Variants in MPP3 observed in about 807,000 individuals in gnomAD.
MPP3 encodes MAGUK p55 scaffold protein 3.
Under a neutral mutation model 80.7 loss-of-function variants are expected in MPP3, and 48 were observed. The observed-to-expected ratio is 0.59, with a 90% CI of 0.47 to 0.76. The LOEUF (loss-of-function observed/expected upper bound fraction) is 0.76, where lower values mean the gene tolerates loss of function less well. MPP3 is among the 30% of genes least tolerant of loss of function. The pLI is 0.00. For missense variants in MPP3, 620 were observed against 763.0 expected, an observed-to-expected ratio of 0.81 and a Z score of 2.21; for synonymous variants, 311 against 297.6, an observed-to-expected ratio of 1.04 and a Z score of -0.46.
chr17:43,825,383 T>C (rs1331079002), intron 9 of MPP3: 1 of 181,056 alleles, frequency 5.5e-6, no homozygotes. Context: ...TATCCCAACG[T>C]TAAAGGAAAG....
rs756575265 is a variant in MPP3, at chr17:43,814,340, C to T, written c.1031G>A (p.Arg344Gln). ...HYVAGLRRSF[R>Q]LGCRERLGGS... ...ACCCAGTCTCTCCCTACAGCCCAGCCGGAAGCTCCTCCGAAGACCAGCTTG... is the reference window on the plus strand; with the variant it reads ...ACCCAGTCTCTCCCTACAGCCCAGCTGGAAGCTCCTCCGAAGACCAGCTTG... The change falls in exon 15 of 20, where the codon CGG (arginine) becomes CAG (glutamine). Residue 344 changes from arginine to glutamine, a missense_variant. Arg to Gln is a conservative substitution (Grantham distance 43). Transcript: ENST00000398389. 1.4e-5 allele frequency: 22 copies of T among 1,606,082 alleles called. No homozygotes were observed. The African/African-American group carries it at 1.5e-4, about 11-fold the overall frequency.
intron 19 of MPP3, among the ~76,000 whole-genome samples, chr17:43,804,877 A>G (rs2154591091): frequency 6.6e-6 from 1 of 152,218 alleles, no homozygotes; most frequent in South Asian, 2.1e-4. Flanking sequence ...AAATTAGCCG[A>G]GCATGATGGC....
chr17:43,825,580 C>T (rs1468742495), intron 9 of MPP3, 176 bp downstream of exon 9: 1 of 568,560 alleles, frequency 1.8e-6, no homozygotes, highest in Admixed American at 2.9e-5. Context: ...TTCCCCTCCT[C>T]CTGCTGCCAC....
At chr17:43,819,243 C>T (rs1027474673) in intron 11 of MPP3, among the ~76,000 whole-genome samples, 1 of 152,194 alleles carries the variant, frequency 6.6e-6, no homozygotes, top group Non-Finnish European at 1.5e-5. Flanking sequence ...GTCCACACAC[C>T]AAAAGATGTG....
chr17:43,822,969 G>A (rs1016746288), intron 10 of MPP3, among the ~76,000 whole-genome samples: 2 of 152,094 alleles, frequency 1.3e-5, no homozygotes, highest in African/African-American at 4.8e-5. Context: ...TGATGGAGGC[G>A]TGTGTTCTAC....
At chr17:43,820,603 A>ACACACACACAC (rs1264169757) in intron 11 of MPP3, among the ~76,000 whole-genome samples, 9 of 127,598 alleles carry the variant, frequency 7.1e-5, no homozygotes, top group South Asian at 4.8e-4. Context: ...AAAAAAAAAA[A>ACACACACACAC]ATACACACAC....
chr17:43,803,467 C>A (rs1166692864), intron 19 of MPP3, among the ~76,000 whole-genome samples: 1 of 152,072 alleles, frequency 6.6e-6, no homozygotes, highest in Non-Finnish European at 1.5e-5. Flanking sequence ...AGTCACAGTC[C>A]CGAAGATCAC....
rs765597486 is a variant in MPP3 at position 43,814,020 on chromosome 17, C to T, written c.1246G>A (p.Ala416Thr). The T allele has an allele frequency of 1.6e-5, 26 of 1,611,856 alleles. No homozygotes were observed. The African/African-American group carries it at 1.7e-4, about 11-fold the overall frequency. The part of the protein sequence containing the change: ...VAENPQHFGV[A>T]VPHTTRPRKS... The stretch of plus-strand genomic sequence containing the variant: ...ACATGGGCCCTCTTACGTGGAACAG[C>T]GACGCCAAAGTGCTGTGGGTTCTCA... Residue 416 changes from alanine to threonine, a missense_variant, in exon 16 of 20, where the codon GCT becomes ACT. Coordinates refer to ENST00000398389, the MANE Select transcript of MPP3 (RefSeq NM_001932.6).
rs59114288 is a variant in MPP3, at chr17:43,830,242, G to A, written c.223-135C>T. On this transcript the variant is annotated intron_variant, in intron 5 of 19. Transcript: ENST00000398389. ...ACCAGACCCTCAACCACCCGACGAC[G>A]ATGATCCTGGGAACATCACACCAGG... 2.0e-3 allele frequency: 1,073 copies of A among 537,592 alleles called. 11 individuals are homozygous for A. Among genetic ancestry groups the A allele is most frequent in the African/African-American group, 0.019 (952 of 51,412 alleles). 33.3% of individuals were successfully genotyped at this position (537,592 alleles called of 1,614,324 possible).
At chr17:43,817,939 AC>A (rs1332384330) in intron 12 of MPP3, 106 bp downstream of exon 12, 3 of 745,470 alleles carry the variant, frequency 4.0e-6, no homozygotes, top group Non-Finnish European at 5.9e-6. Flanking sequence ...CTCAGACAAG[AC>A]CCCTGATGCC....
At chr17:43,802,051 C>A (rs1567791602) in intron 19 of MPP3, among the ~76,000 whole-genome samples, 174 bp from the exon 20 acceptor site, 1 of 152,184 alleles carries the variant, frequency 6.6e-6, no homozygotes, top group Non-Finnish European at 1.5e-5. Context: ...AACATCATGT[C>A]AAACTTCAAA....
chr17:43,824,742 C>T (rs1281770920), intron 9 of MPP3, among the ~76,000 whole-genome samples: 2 of 152,152 alleles, frequency 1.3e-5, no homozygotes, highest in African/African-American at 2.4e-5. Flanking sequence ...GCCTGCAATC[C>T]GCATCCTCTA....
chr17:43,831,954 G>T lies in MPP3; in HGVS notation c.-37-11C>A, dbSNP rs770233130. ...CTCTCCCTGCAGATTCTGGGAGAAGGGGGTGGAGGTGGGTATTGAAGCTCC... is the reference window on the plus strand; with the variant it reads ...CTCTCCCTGCAGATTCTGGGAGAAGTGGGTGGAGGTGGGTATTGAAGCTCC... On this transcript the variant is annotated splice_polypyrimidine_tract_variant and intron_variant, in intron 2 of 19. Coordinates refer to ENST00000398389, the MANE Select transcript of MPP3 (RefSeq NM_001932.6). 2.5e-6 allele frequency: 4 copies of T among 1,588,688 alleles called. No individual in the cohort carries two copies. The highest frequency in any genetic ancestry group is 1.1e-5 in the South Asian group (1 of 89,634).
intron 10 of MPP3, 77 bp downstream of exon 10, chr17:43,823,854 G>T: frequency 9.9e-7 from 1 of 1,011,214 alleles, no homozygotes; most frequent in South Asian, 1.4e-5. Flanking sequence ...ACAAGAGACT[G>T]GACTGGATCC....
At chr17:43,823,870 C>T in intron 10 of MPP3, 61 bp downstream of exon 10, 2 of 1,230,034 alleles carry the variant, frequency 1.6e-6, no homozygotes, top group Admixed American at 3.8e-5. Context: ...GATCCAGCCC[C>T]CAGCCAGCGA....
rs190361068 is a variant in MPP3, at chr17:43,826,213, A to C, written c.524-372T>G. Among the ~76,000 whole-genome samples the C allele has an allele frequency of 4.6e-5, 7 of 152,244 alleles. No homozygotes were observed. The East Asian group carries it at 1.4e-3, about 29-fold the overall frequency. On this transcript the variant is annotated intron_variant, in intron 8 of 19. Transcript: ENST00000398389. ...CTCTGCTTCTTTAAAATTATCATTAACTCTTAGAATGGCATTCTTAAGTCT... is the reference window on the plus strand; with the variant it reads ...CTCTGCTTCTTTAAAATTATCATTACCTCTTAGAATGGCATTCTTAAGTCT...
intron 11 of MPP3, among the ~76,000 whole-genome samples, chr17:43,818,528 T>TA (rs1296851014): frequency 6.6e-6 from 1 of 152,042 alleles, no homozygotes; most frequent in Non-Finnish European, 1.5e-5. Flanking sequence ...GACCCTAATT[T>TA]AACACCCTCC....
At chr17:43,809,698 T>C (rs953506817) in intron 18 of MPP3, among the ~76,000 whole-genome samples, 3 of 151,962 alleles carry the variant, frequency 2.0e-5, no homozygotes, top group African/African-American at 4.8e-5. Context: ...GCTAACATGG[T>C]GAAACCCCGT....
intron 19 of MPP3, among the ~76,000 whole-genome samples, chr17:43,802,259 C>T (rs4793033): frequency 0.31 from 47,171 of 152,062 alleles, 7,773 homozygotes; most frequent in African/African-American, 0.42. Context: ...GCATGACATT[C>T]AGTACACAGG....
Sources: gnomAD v4.1 joint callset for allele counts (sites outside exome capture counted in the v4.1 genomes callset) on GRCh38, gnomAD v4.1.1 for gene constraint, MANE v1.5 for transcripts, NCBI Gene and HGNC (gene_info 2026-07-23, HGNC 2026-07-21) for gene names.